Variants in SBK1 observed in about 807,000 individuals in gnomAD.
The protein encoded by SBK1 is SH3 domain binding kinase 1, also known as serine/threonine-protein kinase SBK1.
A neutral mutation model predicts 24.4 loss-of-function variants in SBK1; 11 were observed. The ratio of observed to expected loss-of-function variants is 0.45; its 90% CI spans 0.28 to 0.75. The LOEUF (loss-of-function observed/expected upper bound fraction) is 0.75. Ranked by LOEUF, SBK1 falls within the 30% of genes least tolerant of loss-of-function variation. The pLI is 0.12. For missense variants in SBK1, 467 were observed against 620.5 expected (o/e 0.75, Z 2.63); for synonymous variants, 308 against 284.4 (o/e 1.08, Z -0.83).
At chr16:28,286,547 C>T (rs556116349) in intron 1 of SBK1, 1 of 152,324 alleles carries the variant, frequency 6.6e-6, no homozygotes, top group African/African-American at 2.4e-5. Flanking sequence ...TGCTGGCACG[C>T]CCCTTTAATC....
chr16:28,310,029 G>A (rs907967218), intron 1 of SBK1, among the ~76,000 whole-genome samples: 6 of 152,214 alleles, frequency 3.9e-5, no homozygotes, highest in African/African-American at 1.4e-4. Context: ...GGGCGGCTCA[G>A]TCTTGCTTCT....
intron 1 of SBK1, among the ~76,000 whole-genome samples, chr16:28,264,634 A>G (rs1471559494): frequency 1.3e-5 from 2 of 152,106 alleles, no homozygotes; most frequent in African/African-American, 2.4e-5. Context: ...GAGGTGTCCA[A>G]GTGAAGATGT....
chr16:28,288,482 A>G (rs750317835), upstream of SBK1, among the ~76,000 whole-genome samples: 7 of 152,218 alleles, frequency 4.6e-5, no homozygotes. Flanking sequence ...TTAGTGGAAC[A>G]TGCTAGAGCC....
At chr16:28,260,801 A>C (rs1480496492) in intron 1 of SBK1, among the ~76,000 whole-genome samples, 2 of 152,162 alleles carry the variant, frequency 1.3e-5, no homozygotes, top group Non-Finnish European at 2.9e-5. Context: ...AGTTCTGCAC[A>C]GGGTAGTGGG....
intron 1 of SBK1, among the ~76,000 whole-genome samples, chr16:28,298,825 G>A (rs1388431496): frequency 1.3e-5 from 2 of 152,260 alleles, no homozygotes; most frequent in Admixed American, 1.3e-4. Context: ...ACAGGGCACG[G>A]GTGGGGCTGG....
rs71380914 is a variant in SBK1, at chr16:28,280,149, ATGTG to A, written c.257+20667_257+20670del. Among the ~76,000 whole-genome samples the A allele has an allele frequency of 2.5e-4, 10 of 39,414 alleles. 1 individual carries two copies. Among genetic ancestry groups the A allele is most frequent in the East Asian group, 2.0e-3 (4 of 2,008 alleles). The allele number at this position is 39,414 out of a possible 152,430, so 25.9% of individuals were successfully genotyped here. ...TATATATATATATATATATATATAT[ATGTG>A]TGTGTGTGTGTGTGTGTGTATGTAT... On this transcript the variant is annotated intron_variant, in intron 1 of 3. Coordinates refer to the SBK1 transcript ENST00000671413.
intron 1 of SBK1, among the ~76,000 whole-genome samples, chr16:28,307,929 C>T (rs2044728398): frequency 6.6e-6 from 1 of 152,134 alleles, no homozygotes; most frequent in African/African-American, 2.4e-5. Flanking sequence ...GTGGTTAGCA[C>T]AGTGCCTGGC....
intron 1 of SBK1, among the ~76,000 whole-genome samples, chr16:28,308,898 C>T (rs117121893): frequency 0.03 from 4,510 of 152,150 alleles, 273 homozygotes; most frequent in East Asian, 0.15. Flanking sequence ...AATCCTCCCA[C>T]CTCGGCCTCC....
chr16:28,277,361 A>G (rs1273506726), intron 1 of SBK1, among the ~76,000 whole-genome samples: 1 of 151,952 alleles, frequency 6.6e-6, no homozygotes, highest in African/African-American at 2.4e-5. Context: ...AGAAAAAAAA[A>G]AGACAACAGG....
At chr16:28,305,838 G>T (rs901794203) in intron 1 of SBK1, among the ~76,000 whole-genome samples, 6 of 152,172 alleles carry the variant, frequency 3.9e-5, no homozygotes, top group Non-Finnish European at 5.9e-5. Context: ...ACCGCACCCA[G>T]CCCTGATCTT....
intron 1 of SBK1, among the ~76,000 whole-genome samples, chr16:28,261,837 G>C (rs2044399730): frequency 1.3e-5 from 2 of 152,196 alleles, no homozygotes; most frequent in Admixed American, 6.5e-5. Flanking sequence ...AGGGTTGGCA[G>C]CCGTGAAATC....
In SBK1 at chr16:28,320,444, C is replaced by T. The variant is rs780295201; in HGVS notation, c.798C>T (p.Phe266=). The part of the protein sequence containing the change: ...ASGADAFFEE[F]VRWQRGRLPG... Reference sequence around the variant, plus strand: ...GCGCCGACGCCTTCTTCGAGGAGTTCGTGCGCTGGCAGCGGGGCCGCCTGC... The same window carrying T: ...GCGCCGACGCCTTCTTCGAGGAGTTTGTGCGCTGGCAGCGGGGCCGCCTGC... The change falls in exon 4 of 4, where the codon TTC becomes TTT. Residue 266 remains phenylalanine, a synonymous_variant. Coordinates refer to ENST00000341901, the MANE Select transcript of SBK1 (RefSeq NM_001024401.3). The surrounding 1 kb of genome is among the most constrained non-coding windows in gnomAD (Gnocchi z 8.5). 1.8e-5 allele frequency: 28 copies of T among 1,580,730 alleles called. No individual in the cohort carries two copies. The East Asian group carries it at 6.0e-4, about 34-fold the overall frequency.
Position 28,320,563 on chromosome 16 carries a change from C to T in SBK1, c.917C>T (p.Ala306Val), listed in dbSNP as rs763898878. Residue 306 changes from alanine to valine, a missense_variant, in exon 4 of 4, where the codon GCC becomes GTC. Transcript: ENST00000341901. The surrounding 1 kb of genome is among the most constrained non-coding windows in gnomAD (Gnocchi z 8.5). Reference sequence around the variant, plus strand: ...CTGGAGCCCGAGCGCCGCGGCCCAGCCAAGGAGGTGTTCCGCTTCCTCAAG... The same window carrying T: ...CTGGAGCCCGAGCGCCGCGGCCCAGTCAAGGAGGTGTTCCGCTTCCTCAAG... ...LALEPERRGP[A>V]KEVFRFLKHE... is the part of the protein sequence containing the mutation. 1.3e-6 allele frequency: 2 copies of T among 1,545,654 alleles called. No homozygotes were observed. The highest frequency in any genetic ancestry group is 1.4e-5 in the African/African-American group (1 of 70,746).
chr16:28,308,781 T>TG (rs1567678533), intron 1 of SBK1, among the ~76,000 whole-genome samples: 2,037 of 94,424 alleles, frequency 0.022, 29 homozygotes, highest in African/African-American at 0.045. Context: ...GTGTGTGTGT[T>TG]TGTTTTGTTT....
intron 1 of SBK1, among the ~76,000 whole-genome samples, chr16:28,310,007 G>A (rs1259783632): frequency 6.6e-6 from 1 of 152,228 alleles, no homozygotes; most frequent in Non-Finnish European, 1.5e-5. Context: ...CCGACCGCCA[G>A]CAGGAAGTGG....
chr16:28,278,659 G>C (rs913458852), intron 1 of SBK1, among the ~76,000 whole-genome samples: 1 of 152,176 alleles, frequency 6.6e-6, no homozygotes, highest in Non-Finnish European at 1.5e-5. Flanking sequence ...CTTTGAATTT[G>C]TAAGGGGAGT....
chr16:28,313,597 TAA>T (rs61145714), intron 1 of SBK1, among the ~76,000 whole-genome samples: 8 of 134,920 alleles, frequency 5.9e-5, no homozygotes, highest in African/African-American at 8.4e-5. Flanking sequence ...TACCCTGTCT[TAA>T]AAAAAAAAAA....
chr16:28,311,461 G>A (rs1346097300), intron 1 of SBK1, among the ~76,000 whole-genome samples: 1 of 152,124 alleles, frequency 6.6e-6, no homozygotes, highest in Non-Finnish European at 1.5e-5. Flanking sequence ...CAGGGGTGGT[G>A]GCTTGGCAGG....
intron 1 of SBK1, among the ~76,000 whole-genome samples, chr16:28,316,997 T>C (rs1257046170): frequency 6.6e-6 from 1 of 152,206 alleles, no homozygotes; most frequent in East Asian, 1.9e-4. Flanking sequence ...CTGGGCCACA[T>C]AGTGGGACCC....
Sources: allele counts gnomAD v4.1 joint callset (sites outside exome capture counted in the v4.1 genomes callset), GRCh38; gene constraint gnomAD v4.1.1; non-coding constraint Gnocchi (gnomAD v3.1); transcripts MANE v1.5; gene names NCBI Gene and HGNC (gene_info 2026-07-23, HGNC 2026-07-21).